METTL15: variants seen among roughly 807,000 people sequenced by gnomAD.
METTL15 encodes 12S rRNA N(4)-cytidine methyltransferase METTL15.
In METTL15, 34 loss-of-function variants were observed where a neutral mutation model predicts 38.3. The ratio of observed to expected loss-of-function variants is 0.89; its 90% CI spans 0.68 to 1.18. METTL15 has a LOEUF of 1.18. METTL15 is among the 50% of genes most tolerant of loss of function. The pLI is 0.00. For synonymous variants in METTL15, 162 were observed against 170.9 expected, an observed-to-expected ratio of 0.95 and a Z score of 0.41; for missense variants, 438 against 498.4, an observed-to-expected ratio of 0.88 and a Z score of 1.15.
At chr11:28,207,423 A>T (rs12556228) in intron 3 of METTL15, among the ~76,000 whole-genome samples, 1 of 151,980 alleles carries the variant, frequency 6.6e-6, no homozygotes, top group African/African-American at 2.4e-5. Flanking sequence ...ATTGATTTGC[A>T]TATGTTGAAC....
At position 28,432,364 on chromosome 11, in the gene METTL15, A is replaced by T. The variant is rs188397335; in HGVS notation, c.*424+8000A>T. Among the ~76,000 whole-genome samples, 114 of 152,338 alleles carry T rather than the reference A, an allele frequency of 7.5e-4. 1 individual carries two copies. Among genetic ancestry groups the T allele is most frequent in the African/African-American group, 2.6e-3 (109 of 41,578 alleles). On this transcript the variant is annotated intron_variant and NMD_transcript_variant, in intron 6 of 7. Transcript: ENST00000532947. Reference sequence around the variant, plus strand: ...TAAAAGAATCAATAATTATGGCTGTAATCATTCAACTAAGTCTACTTATGT... The same window carrying T: ...TAAAAGAATCAATAATTATGGCTGTTATCATTCAACTAAGTCTACTTATGT...
intron 1 of METTL15, 68 bp from the exon 2 acceptor site, chr11:28,110,098 A>G (rs1851654007): frequency 6.6e-6 from 1 of 152,264 alleles, no homozygotes; most frequent in African/African-American, 2.4e-5. Context: ...CAGACCAAAA[A>G]ATAAAAATGG....
chr11:28,388,366 T>C (rs1437742482), intron 5 of METTL15, among the ~76,000 whole-genome samples: 1 of 152,014 alleles, frequency 6.6e-6, no homozygotes, highest in Non-Finnish European at 1.5e-5. Flanking sequence ...TTCAAGAAAG[T>C]TGCATGATAT....
At chr11:28,304,932 C>G (rs1857030673) in intron 6 of METTL15, among the ~76,000 whole-genome samples, 1 of 152,030 alleles carries the variant, frequency 6.6e-6, no homozygotes, top group South Asian at 2.1e-4. Flanking sequence ...AGTTTTCACT[C>G]TGATGGAAAA....
At chr11:28,497,062 G>A (rs1851540721) in intron 6 of METTL15, among the ~76,000 whole-genome samples, 1 of 152,148 alleles carries the variant, frequency 6.6e-6, no homozygotes, top group Non-Finnish European at 1.5e-5. Context: ...TTTGTAACCT[G>A]GTTTAAGGAT....
At chr11:28,337,204 A>T (rs1453760076), downstream of METTL15, among the ~76,000 whole-genome samples, 1 of 152,156 alleles carries the variant, frequency 6.6e-6, no homozygotes, top group Non-Finnish European at 1.5e-5. Context: ...TTTATAAGGT[A>T]AAAAACTTAC....
intron 3 of METTL15, among the ~76,000 whole-genome samples, chr11:28,156,842 C>T (rs1462561544): frequency 6.6e-6 from 1 of 152,036 alleles, no homozygotes; most frequent in East Asian, 1.9e-4. Context: ...CCATTGGATC[C>T]ACCCAGGAGA....
At chr11:28,348,060 T>G (rs1179482113) in intron 3 of METTL15, among the ~76,000 whole-genome samples, 1 of 152,234 alleles carries the variant, frequency 6.6e-6, no homozygotes, top group Non-Finnish European at 1.5e-5. Flanking sequence ...GCACATGATA[T>G]CTATGTGTCC....
chr11:28,111,001 T>C, intron 2 of METTL15, among the ~76,000 whole-genome samples: 1 of 152,232 alleles, frequency 6.6e-6, no homozygotes, highest in East Asian at 1.9e-4. Flanking sequence ...GAGCTCCAAG[T>C]TGTCTGGTAG....
chr11:28,317,652 G>T (rs1486094238), intron 6 of METTL15, among the ~76,000 whole-genome samples: 2 of 152,152 alleles, frequency 1.3e-5, no homozygotes, highest in African/African-American at 4.8e-5. Context: ...TTCTCTCTGG[G>T]ACTTCAAATC....
intron 6 of METTL15, among the ~76,000 whole-genome samples, chr11:28,318,621 T>C (rs1478255038): frequency 6.6e-6 from 1 of 152,212 alleles, no homozygotes. Context: ...ACAAAAATTA[T>C]TGTTTTAGCT....
chr11:28,157,365 G>A (rs576281602), intron 3 of METTL15, among the ~76,000 whole-genome samples: 21 of 152,268 alleles, frequency 1.4e-4, no homozygotes, highest in Non-Finnish European at 2.5e-4. Flanking sequence ...CTGCCACTTG[G>A]GCAATATGAC....
chr11:28,325,415 GACAC>G (rs1041185429), intron 6 of METTL15, among the ~76,000 whole-genome samples: 4 of 152,266 alleles, frequency 2.6e-5, no homozygotes, highest in African/African-American at 9.6e-5. Flanking sequence ...AGGTGCAATA[GACAC>G]ACACAGGCTT....
chr11:28,421,084 A>G (rs932226899), intron 5 of METTL15, among the ~76,000 whole-genome samples: 1 of 152,046 alleles, frequency 6.6e-6, no homozygotes, highest in Non-Finnish European at 1.5e-5. Context: ...TTGAGCAACT[A>G]TATGTGAATA....
intron 3 of METTL15, among the ~76,000 whole-genome samples, chr11:28,195,460 G>A (rs1325920535): frequency 2.0e-5 from 3 of 151,862 alleles, no homozygotes; most frequent in African/African-American, 7.3e-5. Flanking sequence ...TTTCCCTTAT[G>A]ATTAGTGATG....
chr11:28,273,430 G>T (rs1020592375), intron 4 of METTL15, among the ~76,000 whole-genome samples: 1 of 151,852 alleles, frequency 6.6e-6, no homozygotes, highest in African/African-American at 2.4e-5. Context: ...TTATCAGCAG[G>T]CCCTATTTTC....
chr11:28,414,757 CATAG>C, intron 5 of METTL15, among the ~76,000 whole-genome samples: 1 of 152,266 alleles, frequency 6.6e-6, no homozygotes, highest in African/African-American at 2.4e-5. Flanking sequence ...CTGATATCAT[CATAG>C]ATACTTAGGC....
intron 3 of METTL15, among the ~76,000 whole-genome samples, chr11:28,183,500 C>T (rs1315520427): frequency 6.6e-6 from 1 of 152,060 alleles, no homozygotes; most frequent in East Asian, 1.9e-4. Flanking sequence ...GCCTTTTCTG[C>T]ATCTATTGAG....
At chr11:28,149,379 G>A (rs987534953) in intron 3 of METTL15, among the ~76,000 whole-genome samples, 1 of 151,568 alleles carries the variant, frequency 6.6e-6, no homozygotes, top group African/African-American at 2.4e-5. Context: ...AGGGGTGAGT[G>A]GTGGGTGTTG....
Sources: allele counts gnomAD v4.1 joint callset (sites outside exome capture counted in the v4.1 genomes callset), GRCh38; gene constraint gnomAD v4.1.1; transcripts MANE v1.5; gene names NCBI Gene and HGNC (gene_info 2026-07-23, HGNC 2026-07-21).